Variants in VEPH1 observed in about 807,000 individuals in gnomAD.
VEPH1 encodes the protein ventricular zone expressed PH domain containing 1, also known as ventricular zone-expressed PH domain-containing protein homolog 1.
VEPH1 carries 80 observed loss-of-function variants against 85.2 expected under a neutral mutation model. The observed-to-expected ratio is 0.94, with a 90% CI of 0.78 to 1.13. VEPH1 has a LOEUF of 1.13. Ranked by LOEUF, VEPH1 falls within the 50% of genes most tolerant of loss-of-function variation. The pLI, the probability that VEPH1 is intolerant of heterozygous loss-of-function variation, is 0.00. For synonymous variants in VEPH1, 297 were observed against 348.0 expected (o/e 0.85, Z 1.63); for missense variants, 955 against 980.5 (o/e 0.97, Z 0.35).
At chr3:157,341,885 A>G (rs1270335372) in intron 9 of VEPH1, among the ~76,000 whole-genome samples, 3 of 152,112 alleles carry the variant, frequency 2.0e-5, no homozygotes, top group African/African-American at 7.2e-5. Context: ...ATTCTTAAAG[A>G]AAAGAATTTT....
At chr3:157,472,881 G>A (rs180756811) in intron 2 of VEPH1, among the ~76,000 whole-genome samples, 2 of 152,044 alleles carry the variant, frequency 1.3e-5, no homozygotes, top group East Asian at 1.9e-4. Context: ...ATTCCATGCT[G>A]TATATATACC....
At chr3:157,397,033 T>C (rs1730450447) in intron 6 of VEPH1, among the ~76,000 whole-genome samples, 1 of 152,238 alleles carries the variant, frequency 6.6e-6, no homozygotes, top group African/African-American at 2.4e-5. Flanking sequence ...CTGACTGATA[T>C]TACCTAGATT....
intron 2 of VEPH1, among the ~76,000 whole-genome samples, chr3:157,481,934 G>A (rs868152954): frequency 1.3e-5 from 2 of 151,924 alleles, no homozygotes; most frequent in Non-Finnish European, 1.5e-5. Flanking sequence ...TTTTGACTTT[G>A]TCAAAACATT....
intron 4 of VEPH1, among the ~76,000 whole-genome samples, chr3:157,429,178 A>C (rs1335878808): frequency 6.6e-6 from 1 of 152,224 alleles, no homozygotes; most frequent in African/African-American, 2.4e-5. Flanking sequence ...ACATATGGGC[A>C]ACATCTGCTT....
At chr3:157,471,581 A>G (rs1736960343) in intron 2 of VEPH1, among the ~76,000 whole-genome samples, 1 of 152,202 alleles carries the variant, frequency 6.6e-6, no homozygotes, top group Non-Finnish European at 1.5e-5. Context: ...ACAGTATCTT[A>G]TCGCTGTTTT....
At chr3:157,348,726 T>C (rs1724521218) in intron 9 of VEPH1, among the ~76,000 whole-genome samples, 1 of 152,340 alleles carries the variant, frequency 6.6e-6, no homozygotes, top group African/African-American at 2.4e-5. Context: ...AATCACCACA[T>C]GTGCATCTCT....
chr3:157,439,271 C>T (rs1187355501), intron 4 of VEPH1, among the ~76,000 whole-genome samples: 1 of 152,142 alleles, frequency 6.6e-6, no homozygotes, highest in African/African-American at 2.4e-5. Flanking sequence ...TTATCTTCAT[C>T]TTTGCATATT....
intron 4 of VEPH1, chr3:157,443,353 A>G (rs1001929880): frequency 5.5e-6 from 1 of 182,640 alleles, no homozygotes; most frequent in Non-Finnish European, 1.2e-5. Context: ...GAATAACAAA[A>G]TAAGATTTGT....
chr3:157,417,526 A>G (rs73020298), intron 5 of VEPH1, among the ~76,000 whole-genome samples: 3,903 of 152,244 alleles, frequency 0.026, 183 homozygotes, highest in African/African-American at 0.09. Context: ...AGAGACTTTC[A>G]AAAATTTCTC....
At chr3:157,357,855 T>A (rs1428436047) in intron 9 of VEPH1, among the ~76,000 whole-genome samples, 3 of 152,242 alleles carry the variant, frequency 2.0e-5, no homozygotes, top group African/African-American at 7.2e-5. Flanking sequence ...GCTTTTTCTT[T>A]ATTTTAAAGA....
chr3:157,416,718 A>T (rs552985042), intron 5 of VEPH1, among the ~76,000 whole-genome samples: 1 of 152,192 alleles, frequency 6.6e-6, no homozygotes, highest in East Asian at 1.9e-4. Context: ...GCTACACAGC[A>T]TGGGTTTTAG....
chr3:157,495,020 C>T (rs1739545716), intron 2 of VEPH1, among the ~76,000 whole-genome samples, 192 bp downstream of exon 2: 1 of 152,130 alleles, frequency 6.6e-6, no homozygotes, highest in South Asian at 2.1e-4. Context: ...GATCTAACTG[C>T]CCCCTACTAA....
chr3:157,299,615 A>C (rs1296977607), intron 11 of VEPH1, among the ~76,000 whole-genome samples: 1 of 151,990 alleles, frequency 6.6e-6, no homozygotes, highest in Non-Finnish European at 1.5e-5. Flanking sequence ...ATGACTGAGA[A>C]TATAAAGTCT....
intron 9 of VEPH1, among the ~76,000 whole-genome samples, chr3:157,335,737 T>C (rs750000765): frequency 6.6e-6 from 1 of 152,176 alleles, no homozygotes; most frequent in Non-Finnish European, 1.5e-5. Flanking sequence ...TTTTTTCTCA[T>C]CAATTCTCCA....
At chr3:157,502,278 A>C (rs1740181150) in intron 1 of VEPH1, among the ~76,000 whole-genome samples, 1 of 152,242 alleles carries the variant, frequency 6.6e-6, no homozygotes, top group Non-Finnish European at 1.5e-5. Flanking sequence ...TCAAGAGCCC[A>C]AAAAACTACT....
At chr3:157,375,879 G>A (rs916307157) in intron 7 of VEPH1, among the ~76,000 whole-genome samples, 3 of 151,946 alleles carry the variant, frequency 2.0e-5, no homozygotes, top group East Asian at 1.9e-4. Context: ...CAAAAAAAAC[G>A]CAACATTCAT....
chr3:157,300,002 G>T (rs186593751), intron 11 of VEPH1, among the ~76,000 whole-genome samples: 37 of 152,302 alleles, frequency 2.4e-4, no homozygotes, highest in African/African-American at 8.7e-4. Flanking sequence ...TGCAGGTAAA[G>T]AAGGTAAGGC....
intron 11 of VEPH1, among the ~76,000 whole-genome samples, chr3:157,312,899 C>CTTTT (rs1720261591): frequency 3.7e-5 from 3 of 82,084 alleles, no homozygotes; most frequent in African/African-American, 2.3e-4. Context: ...TAAAAAAAAA[C>CTTTT]ATTTTTTTTT....
chr3:157,292,309 T>G (rs1717577466), intron 11 of VEPH1, among the ~76,000 whole-genome samples: 1 of 152,172 alleles, frequency 6.6e-6, no homozygotes, highest in Non-Finnish European at 1.5e-5. Context: ...TCAAAGCAGT[T>G]GTGGGGATGG....
Sources: gnomAD v4.1 joint callset for allele counts (sites outside exome capture counted in the v4.1 genomes callset) on GRCh38, gnomAD v4.1.1 for gene constraint, MANE v1.5 for transcripts, NCBI Gene and HGNC (gene_info 2026-07-23, HGNC 2026-07-21) for gene names.